Variants in EXOC4 observed in about 807,000 individuals in gnomAD.
The protein encoded by EXOC4 is exocyst complex component 4, also known as SEC8-like 1.
Under a neutral mutation model 107.2 loss-of-function variants are expected in EXOC4, and 71 were observed. That is an observed-to-expected ratio of 0.66 (90% CI 0.55 to 0.81). The LOEUF (loss-of-function observed/expected upper bound fraction) is 0.81. Ranked by LOEUF, EXOC4 falls within the 30% of genes least tolerant of loss-of-function variation. The pLI is 0.00. For missense variants in EXOC4, 1,108 were observed against 1,189.6 expected (o/e 0.93, Z 1.01); for synonymous variants, 456 against 441.2 (o/e 1.03, Z -0.42).
chr7:133,393,601 G>A (rs1307880699), intron 7 of EXOC4, among the ~76,000 whole-genome samples: 3 of 152,140 alleles, frequency 2.0e-5, no homozygotes, highest in Non-Finnish European at 2.9e-5. Context: ...TGATAGCAGA[G>A]CCCTCATGAA....
intron 1 of EXOC4, among the ~76,000 whole-genome samples, chr7:133,257,683 G>C (rs1278002912): frequency 6.6e-6 from 1 of 152,182 alleles, no homozygotes. Context: ...TTGAAACCTT[G>C]GAGCAGAGCT....
chr7:133,360,183 C>T (rs1232029873), intron 6 of EXOC4, among the ~76,000 whole-genome samples: 1 of 152,138 alleles, frequency 6.6e-6, no homozygotes, highest in East Asian at 1.9e-4. Flanking sequence ...TTGATTCTTT[C>T]CCAAAATCTG....
In EXOC4 at chr7:133,595,551, C is replaced by T. The variant is rs927347354; in HGVS notation, c.1418-34494C>T. The stretch of plus-strand genomic sequence containing the variant: ...TCAGAAAAACATTTTTTAGTTCTTT[C>T]TATGTGTCAGGCATTGTGCTGAGCA... On this transcript the variant is annotated intron_variant, in intron 9 of 17. Coordinates refer to ENST00000253861, the MANE Select transcript of EXOC4 (RefSeq NM_021807.4). Among the ~76,000 whole-genome samples the T allele has an allele frequency of 1.1e-4, 16 of 152,090 alleles. 1 individual carries two copies. Among genetic ancestry groups the T allele is most frequent in the Admixed American group, 1.0e-3 (16 of 15,276 alleles).
the EXOC4 span, among the ~76,000 whole-genome samples, chr7:134,100,180 T>C: frequency 6.6e-6 from 1 of 152,082 alleles, no homozygotes; most frequent in Non-Finnish European, 1.5e-5. Context: ...CCTTTTTCTC[T>C]CCTACAGGGG....
At chr7:133,255,072 T>C (rs1156475295) in intron 1 of EXOC4, among the ~76,000 whole-genome samples, 1 of 152,124 alleles carries the variant, frequency 6.6e-6, no homozygotes, top group Non-Finnish European at 1.5e-5. Flanking sequence ...TCCATCCATC[T>C]CTTATGCCAG....
At chr7:133,255,994 G>A (rs898865378) in intron 1 of EXOC4, among the ~76,000 whole-genome samples, 2 of 142,314 alleles carry the variant, frequency 1.4e-5, no homozygotes, top group African/African-American at 5.2e-5. Context: ...TTTTTTTTGA[G>A]ACGTAGTCCT....
chr7:133,344,517 T>C (rs1584834052), intron 5 of EXOC4, among the ~76,000 whole-genome samples: 1 of 152,210 alleles, frequency 6.6e-6, no homozygotes, highest in South Asian at 2.1e-4. Context: ...AGGTTTGTGG[T>C]CTCTGAATTT....
chr7:133,477,240 A>G (rs1205787022), intron 8 of EXOC4, among the ~76,000 whole-genome samples: 3 of 152,188 alleles, frequency 2.0e-5, no homozygotes, highest in Non-Finnish European at 2.9e-5. Flanking sequence ...TTGACAAGGC[A>G]TAAGTTCCCA....
chr7:133,712,849 A>T (rs1033466443), intron 10 of EXOC4, among the ~76,000 whole-genome samples: 1 of 152,256 alleles, frequency 6.6e-6, no homozygotes, highest in Non-Finnish European at 1.5e-5. Context: ...GAAAAAGGCC[A>T]GGCCCCAAAG....
chr7:133,735,254 T>G (rs1039422648), intron 10 of EXOC4, among the ~76,000 whole-genome samples: 3 of 93,780 alleles, frequency 3.2e-5, no homozygotes, highest in African/African-American at 1.0e-4. Flanking sequence ...AAAAAAAAAG[T>G]TAAAGTACGG....
At chr7:133,722,192 G>A (rs566524889) in intron 10 of EXOC4, among the ~76,000 whole-genome samples, 14 of 152,304 alleles carry the variant, frequency 9.2e-5, no homozygotes, top group African/African-American at 3.4e-4. Flanking sequence ...TTTGGGACTT[G>A]GACGCCTGAA....
In EXOC4 at chr7:133,463,075, T is replaced by C. The variant is rs1295670476; in HGVS notation, c.1183-12253T>C. On this transcript the variant is annotated intron_variant, in intron 7 of 17. Transcript: ENST00000253861. ...GCAGGATATGGCCGGTGGGAGACTG[T>C]TTTAATAACCTGCATGAAAGATAAT... is the stretch of plus-strand genomic sequence containing the variant. Among the ~76,000 whole-genome samples, 3 of 152,098 alleles carry C rather than the reference T, an allele frequency of 2.0e-5. No individual in the cohort carries two copies. The East Asian group carries it at 5.8e-4, about 29-fold the overall frequency.
chr7:133,676,282 A>G (rs901838057), intron 10 of EXOC4, among the ~76,000 whole-genome samples: 5 of 152,128 alleles, frequency 3.3e-5, no homozygotes, highest in African/African-American at 1.2e-4. Context: ...AGTACATTAC[A>G]TTTAGAATGG....
At chr7:134,093,086 A>G in the EXOC4 span, among the ~76,000 whole-genome samples, 1 of 152,178 alleles carries the variant, frequency 6.6e-6, no homozygotes, top group Non-Finnish European at 1.5e-5. Context: ...TCGCACGTAA[A>G]TATTAACCTT....
intron 14 of EXOC4, among the ~76,000 whole-genome samples, chr7:133,979,712 TG>T (rs1259333585): frequency 6.6e-6 from 1 of 151,346 alleles, no homozygotes; most frequent in Non-Finnish European, 1.5e-5. Context: ...GGCGTGAACC[TG>T]GGAGGCGGAG....
At chr7:133,390,920 A>G (rs923131769) in intron 7 of EXOC4, among the ~76,000 whole-genome samples, 1 of 152,226 alleles carries the variant, frequency 6.6e-6, no homozygotes, top group Admixed American at 6.5e-5. Flanking sequence ...TATACCTGTA[A>G]TTCAGTGAAG....
At chr7:133,536,180 G>A (rs184074121) in intron 9 of EXOC4, among the ~76,000 whole-genome samples, 1 of 152,314 alleles carries the variant, frequency 6.6e-6, no homozygotes, top group East Asian at 1.9e-4. Flanking sequence ...GTGCTATTGT[G>A]AGGATTTGAT....
chr7:133,899,092 A>G (rs906319163), intron 12 of EXOC4, among the ~76,000 whole-genome samples: 4 of 151,904 alleles, frequency 2.6e-5, no homozygotes, highest in Admixed American at 6.6e-5. Flanking sequence ...TTAAATATAA[A>G]GCTTTTTTTT....
intron 9 of EXOC4, among the ~76,000 whole-genome samples, chr7:133,525,818 G>A (rs567425769): frequency 3.3e-5 from 5 of 152,272 alleles, no homozygotes; most frequent in Non-Finnish European, 7.4e-5. Flanking sequence ...GTAGTTGTCT[G>A]TAATCATAGT....
Sources: allele counts gnomAD v4.1 joint callset (sites outside exome capture counted in the v4.1 genomes callset), GRCh38; gene constraint gnomAD v4.1.1; transcripts MANE v1.5; gene names NCBI Gene and HGNC (gene_info 2026-07-23, HGNC 2026-07-21).